The following TRPC1 variants were observed in gnomAD, a reference collection of about 807,000 sequenced individuals.
TRPC1 encodes short transient receptor potential channel 1.
Under a neutral mutation model 88.2 loss-of-function variants are expected in TRPC1, and 42 were observed. The observed-to-expected ratio is 0.48, with a 90% confidence interval of 0.37 to 0.62. TRPC1 has a LOEUF of 0.62. TRPC1 is among the 20% of genes least tolerant of loss of function. TRPC1 has a pLI of 0.00. For synonymous variants in TRPC1, 288 were observed against 331.8 expected, an observed-to-expected ratio of 0.87 and a Z score of 1.43; for missense variants, 699 against 957.3, an observed-to-expected ratio of 0.73 and a Z score of 3.56.
At chr3:142,731,616 C>T (rs1436121995) in intron 1 of TRPC1, among the ~76,000 whole-genome samples, 1 of 151,680 alleles carries the variant, frequency 6.6e-6, no homozygotes, top group East Asian at 1.9e-4. Context: ...CATCTCCTGA[C>T]CTCATGATCC....
chr3:142,762,601 G>A (rs569938657), intron 4 of TRPC1, among the ~76,000 whole-genome samples: 1 of 151,294 alleles, frequency 6.6e-6, no homozygotes, highest in Non-Finnish European at 1.5e-5. Context: ...GCTAATTTTT[G>A]TATTTTTAGT....
At chr3:142,761,365 A>G (rs143226631) in intron 4 of TRPC1, among the ~76,000 whole-genome samples, 1 of 152,314 alleles carries the variant, frequency 6.6e-6, no homozygotes, top group African/African-American at 2.4e-5. Flanking sequence ...AATGTCATGT[A>G]TCATGTCTAT....
Position 142,784,809 on chromosome 3 carries a change from A to T in TRPC1, c.1066A>T (p.Thr356Ser). The T allele has an allele frequency of 1.2e-6, 2 of 1,614,148 alleles. No individual in the cohort carries two copies. Among genetic ancestry groups the T allele is most frequent in the South Asian group, 2.2e-5 (2 of 91,090 alleles). ...CTGTAAGAAGATAATGACTGTTTTG[A>T]CAGTAGGCATCTTTTGGCCAGTTTT... ...PTCKKIMTVL[T>S]VGIFWPVLSL... Residue 356 changes from threonine (T) to serine (S), a missense_variant, in exon 7 of 13, where the codon ACA (threonine) becomes TCA (serine). Physicochemically the swap from Thr to Ser is moderately conservative, Grantham distance 58. Around this residue, in one of 4 missense-constraint regions of TRPC1, gnomAD observed 426 missense variants for 641.3 expected, o/e 0.66. Transcript: ENST00000476941.
intron 7 of TRPC1, among the ~76,000 whole-genome samples, chr3:142,788,906 A>T (rs553238962): frequency 6.6e-6 from 1 of 152,186 alleles, no homozygotes; most frequent in South Asian, 2.1e-4. Flanking sequence ...ATTGCAGAGG[A>T]GCTGGGAAAC....
rs1936830557 is a variant in TRPC1, at chr3:142,807,537, G to A, written c.*1302G>A. 1 of 152,180 alleles carries A rather than the reference G, an allele frequency of 6.6e-6. No homozygotes were observed. Among genetic ancestry groups the A allele is most frequent in the Non-Finnish European group, 1.5e-5 (1 of 68,018 alleles). 9.4% of individuals were successfully genotyped at this position (152,180 alleles called of 1,614,324 possible). A position where few individuals can be genotyped will look rare whatever the true frequency, so the allele number is the denominator to read the frequency against. On this transcript the variant is annotated 3_prime_UTR_variant, in exon 13 of 13. Transcript: ENST00000476941. Reference sequence around the variant, plus strand: ...ACAGGGTGCAGGTAACCCTTGGTCTGTAAGCACCACCGATCCAGGGATCAT... The same window carrying A: ...ACAGGGTGCAGGTAACCCTTGGTCTATAAGCACCACCGATCCAGGGATCAT...
intron 1 of TRPC1, among the ~76,000 whole-genome samples, chr3:142,731,829 A>G (rs1215499270): frequency 6.6e-6 from 1 of 152,178 alleles, no homozygotes; most frequent in African/African-American, 2.4e-5. Flanking sequence ...CTGGTTTTTT[A>G]CATTTTATAT....
At chr3:142,800,365 G>T (rs114877533) in intron 9 of TRPC1, among the ~76,000 whole-genome samples, 15 of 152,266 alleles carry the variant, frequency 9.9e-5, no homozygotes, top group Non-Finnish European at 1.9e-4. Flanking sequence ...CTATGGCAGA[G>T]TCTGGGTTAC....
rs1933599661 is a variant in TRPC1 at position 142,724,786 on chromosome 3, C to G, written c.172+55C>G. On this transcript the variant is annotated intron_variant, in intron 1 of 12. Coordinates refer to ENST00000476941, the MANE Select transcript of TRPC1 (RefSeq NM_001251845.2). This position sits in a 1 kb window ranked among gnomAD's most constrained non-coding sequence, Gnocchi z 5.6. ...CGCCCCTGTCCTCCAGACCTTTAGT[C>G]CTCTCCCCCGCCTCAACTTATATCG... 15 of 1,456,158 alleles carry G rather than the reference C, an allele frequency of 1.0e-5. No homozygotes were observed. Among genetic ancestry groups the G allele is most frequent in the Non-Finnish European group, 1.4e-5 (15 of 1,095,836 alleles). 90.2% of individuals were successfully genotyped at this position (1,456,158 alleles called of 1,614,324 possible). A position where few individuals can be genotyped will look rare whatever the true frequency, so the allele number is the denominator to read the frequency against.
chr3:142,801,919 C>T (rs7641514), intron 9 of TRPC1, among the ~76,000 whole-genome samples: 36,208 of 151,952 alleles, frequency 0.24, 4,583 homozygotes, highest in East Asian at 0.33. Flanking sequence ...CAACAATGTC[C>T]TCTGAAACCC....
In TRPC1 at chr3:142,806,558, G is replaced by T. The variant is rs1936800882; in HGVS notation, c.*323G>T. 5.7e-6 allele frequency: 1 copy of T among 176,422 alleles called. No homozygotes were observed. Among genetic ancestry groups the T allele is most frequent in the Admixed American group, 5.8e-5 (1 of 17,352 alleles). 10.9% of individuals were successfully genotyped at this position (176,422 alleles called of 1,614,324 possible). A position where few individuals can be genotyped will look rare whatever the true frequency, so the allele number is the denominator to read the frequency against. ...AGGGGCAGTTATAAATGGACACATT[G>T]CCCAGAATGTTTTGTAAAATGAAGA... is the stretch of plus-strand genomic sequence containing the variant. On this transcript the variant is annotated 3_prime_UTR_variant, in exon 13 of 13. Transcript: ENST00000476941.
intron 4 of TRPC1, among the ~76,000 whole-genome samples, chr3:142,756,581 G>A (rs907730545): frequency 1.3e-5 from 2 of 151,870 alleles, no homozygotes; most frequent in East Asian, 1.9e-4. Context: ...GGATGGTCTC[G>A]ATCTCCTGAC....
chr3:142,758,414 G>C (rs1034496381), intron 4 of TRPC1, among the ~76,000 whole-genome samples: 8 of 152,082 alleles, frequency 5.3e-5, no homozygotes, highest in Non-Finnish European at 8.8e-5. Context: ...TCATATACTT[G>C]TTGGTCATTT....
intron 4 of TRPC1, among the ~76,000 whole-genome samples, chr3:142,754,462 A>G (rs970675441): frequency 7.9e-4 from 121 of 152,318 alleles, no homozygotes; most frequent in African/African-American, 2.4e-3. Context: ...CAGCACACCA[A>G]CATGGCACAT....
intron 4 of TRPC1, among the ~76,000 whole-genome samples, chr3:142,763,363 G>A (rs1055840291): frequency 1.3e-5 from 2 of 151,894 alleles, no homozygotes; most frequent in Non-Finnish European, 2.9e-5. Flanking sequence ...ATACTTGGGG[G>A]CTCCAGTGTT....
chr3:142,738,243 G>C (rs1195906684), intron 2 of TRPC1, among the ~76,000 whole-genome samples: 2 of 152,140 alleles, frequency 1.3e-5, no homozygotes, highest in African/African-American at 4.8e-5. Flanking sequence ...CAAATCTCAT[G>C]CTCTTTCTAG....
At chr3:142,748,197 A>C (rs1934626988) in intron 3 of TRPC1, 61 bp from the exon 4 acceptor site, 1 of 1,367,572 alleles carries the variant, frequency 7.3e-7, no homozygotes, top group African/African-American at 1.5e-5. Context: ...CATTCTTCAG[A>C]TAAATATATT....
At position 142,748,118 on chromosome 3, in the gene TRPC1, C is replaced by T. The variant is rs989931727; in HGVS notation, c.430-140C>T. On this transcript the variant is annotated intron_variant, in intron 3 of 12. Coordinates refer to ENST00000476941, the MANE Select transcript of TRPC1 (RefSeq NM_001251845.2). ...TTGAGGTTTCAAAGAAAAATTTAGT[C>T]CAAGCAAAATGTTTAACATATTCCT... 5.7e-5 allele frequency: 45 copies of T among 796,124 alleles called. No individual in the cohort carries two copies. In the Admixed American group the frequency reaches 6.9e-4, roughly 12 times the overall value. The allele number at this position is 796,124 out of a possible 1,614,324, so 49.3% of individuals were successfully genotyped here.
chr3:142,770,093 C>CTTTT (rs779905124), intron 4 of TRPC1, among the ~76,000 whole-genome samples: 55 of 95,244 alleles, frequency 5.8e-4, no homozygotes, highest in African/African-American at 1.4e-3. Flanking sequence ...TTGTATGTTC[C>CTTTT]TTTTTTTTTT....
chr3:142,791,865 A>G (rs1383604857), intron 8 of TRPC1, among the ~76,000 whole-genome samples: 1 of 152,002 alleles, frequency 6.6e-6, no homozygotes, highest in Non-Finnish European at 1.5e-5. Context: ...ATAACTTACA[A>G]TTTTACTTTC....
Sources: allele counts gnomAD v4.1 joint callset (sites outside exome capture counted in the v4.1 genomes callset), GRCh38; gene constraint gnomAD v4.1.1; regional missense constraint gnomAD v4.1.1; non-coding constraint Gnocchi (gnomAD v3.1); transcripts MANE v1.5; gene names NCBI Gene and HGNC (gene_info 2026-07-23, HGNC 2026-07-21).